The following CHODL variants were observed in gnomAD, a reference collection of about 807,000 sequenced individuals.
The protein encoded by CHODL is transmembrane protein MT75.
In CHODL, 29 loss-of-function variants were observed where a neutral mutation model predicts 34.5. The observed-to-expected ratio is 0.84, with a 90% CI of 0.63 to 1.15. The LOEUF is 1.15. CHODL is among the 50% of genes most tolerant of loss of function. The probability of loss-of-function intolerance (pLI) is 0.00; values close to 1 mark genes in which losing one functional copy is unlikely to be tolerated. For synonymous variants in CHODL, 125 were observed against 116.1 expected (o/e 1.08, Z -0.49); for missense variants, 332 against 332.5 (o/e 1.00, Z 0.01).
chr21:18,077,955 A>G (rs1341564661), intron 2 of CHODL, among the ~76,000 whole-genome samples: 2 of 152,196 alleles, frequency 1.3e-5, no homozygotes, highest in Admixed American at 1.3e-4. Flanking sequence ...GCCTTGAAGA[A>G]GAAGGGGAGA....
chr21:17,988,041 A>G lies in CHODL; in HGVS notation c.-144-39831A>G, dbSNP rs73890878. The stretch of plus-strand genomic sequence containing the variant: ...TCAAAGTAAGTCATTTATCTACTTC[A>G]AAAAAATCCCATAAAAAAGTCATTA... On this transcript the variant is annotated intron_variant, in intron 1 of 6. Transcript: ENST00000400127. Among the ~76,000 whole-genome samples the G allele has an allele frequency of 7.8e-3, 1,117 of 143,614 alleles. 26 individuals are homozygous for G. Among genetic ancestry groups the G allele is most frequent in the African/African-American group, 0.028 (1,060 of 37,388 alleles). The allele number at this position is 143,614 out of a possible 152,430, so 94.2% of individuals were successfully genotyped here.
chr21:17,937,354 T>C (rs1417154497), intron 1 of CHODL, among the ~76,000 whole-genome samples: 1 of 152,160 alleles, frequency 6.6e-6, no homozygotes, highest in Non-Finnish European at 1.5e-5. Flanking sequence ...GAAGTTAGAC[T>C]GTATGAATTC....
intron 2 of CHODL, among the ~76,000 whole-genome samples, chr21:18,062,089 G>A (rs1165902310): frequency 1.3e-5 from 2 of 152,082 alleles, no homozygotes; most frequent in Admixed American, 6.5e-5. Flanking sequence ...AGAATAGGAG[G>A]AAGAATATAA....
rs79365326 is a variant in CHODL at position 17,961,081 on chromosome 21, A to G, written c.-145+43681A>G. ...GTCATCCCCTATATTCCGAGTGCCT[A>G]ATAGTATCTGCTACATAGTAGGTGT... On this transcript the variant is annotated intron_variant, in intron 1 of 6. Transcript: ENST00000400127. Among the ~76,000 whole-genome samples the G allele has an allele frequency of 3.6e-3, 542 of 152,266 alleles. 1 individual carries two copies. Among genetic ancestry groups the G allele is most frequent in the African/African-American group, 0.013 (522 of 41,550 alleles).
intron 2 of CHODL, chr21:18,134,219 CTT>C: frequency 8.8e-6 from 4 of 454,216 alleles, no homozygotes; most frequent in South Asian, 6.2e-5. Flanking sequence ...GGTTACCACT[CTT>C]TTGTTATCTA....
intron 2 of CHODL, among the ~76,000 whole-genome samples, chr21:18,156,689 C>T (rs1349634652): frequency 1.3e-5 from 2 of 152,088 alleles, no homozygotes; most frequent in Non-Finnish European, 2.9e-5. Flanking sequence ...CCTGTTTCTT[C>T]CACGACGATT....
chr21:18,062,067 G>A (rs1008886729), intron 2 of CHODL, among the ~76,000 whole-genome samples: 3 of 152,126 alleles, frequency 2.0e-5, no homozygotes, highest in Non-Finnish European at 4.4e-5. Flanking sequence ...TTGCCATAGA[G>A]CAACAGATAG....
At chr21:18,091,501 G>T (rs1011311551) in intron 2 of CHODL, among the ~76,000 whole-genome samples, 1 of 152,174 alleles carries the variant, frequency 6.6e-6, no homozygotes, top group Non-Finnish European at 1.5e-5. Flanking sequence ...GGAGGACTTT[G>T]TCTTGTCTCT....
At chr21:18,128,127 C>T (rs1037516245) in intron 2 of CHODL, among the ~76,000 whole-genome samples, 2 of 150,530 alleles carry the variant, frequency 1.3e-5, no homozygotes, top group Non-Finnish European at 3.0e-5. Flanking sequence ...GGTGAAACCC[C>T]GTCTCTACTA....
intron 2 of CHODL, among the ~76,000 whole-genome samples, chr21:18,040,734 A>G (rs1354244741): frequency 1.3e-5 from 2 of 151,828 alleles, no homozygotes; most frequent in Non-Finnish European, 2.9e-5. Flanking sequence ...GGACCATTTT[A>G]TTTTAGTGTA....
At chr21:18,261,778 T>A (rs1178280671) in intron 4 of CHODL, among the ~76,000 whole-genome samples, 1 of 152,194 alleles carries the variant, frequency 6.6e-6, no homozygotes, top group Non-Finnish European at 1.5e-5. Context: ...CACGGTTTTT[T>A]AATTTTACTA....
intron 2 of CHODL, among the ~76,000 whole-genome samples, chr21:18,098,668 G>T (rs957985035): frequency 3.9e-5 from 6 of 152,062 alleles, no homozygotes; most frequent in African/African-American, 1.4e-4. Context: ...CAGTTTGGAG[G>T]TCCCTCAAAA....
chr21:18,100,542 T>C (rs1012624124), intron 2 of CHODL, among the ~76,000 whole-genome samples: 2 of 152,102 alleles, frequency 1.3e-5, no homozygotes, highest in Admixed American at 6.6e-5. Flanking sequence ...CATAGATAAG[T>C]ATTGGTTTAA....
chr21:18,003,714 T>C (rs547227524), intron 1 of CHODL, among the ~76,000 whole-genome samples: 2 of 152,212 alleles, frequency 1.3e-5, no homozygotes, highest in Non-Finnish European at 2.9e-5. Flanking sequence ...TTTTAAAGAA[T>C]TGAAGTTAGT....
At chr21:17,993,190 T>C (rs2063815003) in intron 1 of CHODL, among the ~76,000 whole-genome samples, 1 of 149,338 alleles carries the variant, frequency 6.7e-6, no homozygotes, top group Non-Finnish European at 1.5e-5. Context: ...ACATGGCTTT[T>C]ATTATTTTGA....
At chr21:18,246,085 C>T in intron 1 of CHODL, 2 of 719,790 alleles carry the variant, frequency 2.8e-6, no homozygotes, top group East Asian at 2.7e-5. Context: ...TGTCGTTGAG[C>T]GATTTATATT....
intron 2 of CHODL, among the ~76,000 whole-genome samples, chr21:18,093,522 A>G (rs1366569809): frequency 6.6e-6 from 1 of 152,190 alleles, no homozygotes; most frequent in Non-Finnish European, 1.5e-5. Flanking sequence ...GAATAACTAC[A>G]ACACATTTTC....
intron 2 of CHODL, among the ~76,000 whole-genome samples, chr21:18,063,981 T>A (rs2064700481): frequency 6.6e-6 from 1 of 152,220 alleles, no homozygotes; most frequent in African/African-American, 2.4e-5. Flanking sequence ...ATGATGTCCC[T>A]GTTTCCTAAC....
chr21:18,211,040 C>T (rs2073767861), intron 2 of CHODL, among the ~76,000 whole-genome samples: 1 of 151,980 alleles, frequency 6.6e-6, no homozygotes, highest in South Asian at 2.1e-4. Context: ...CATGCCTCTG[C>T]CTCAAAGACT....
Sources: gnomAD v4.1 joint callset for allele counts (sites outside exome capture counted in the v4.1 genomes callset) on GRCh38, gnomAD v4.1.1 for gene constraint, MANE v1.5 for transcripts, NCBI Gene and HGNC (gene_info 2026-07-23, HGNC 2026-07-21) for gene names.